SLC35F3: variants seen among roughly 807,000 people sequenced by gnomAD.
SLC35F3 encodes the protein putative thiamine transporter SLC35F3.
A neutral mutation model predicts 49.9 loss-of-function variants in SLC35F3; 25 were observed. The ratio of observed to expected loss-of-function variants is 0.50; its 90% CI spans 0.37 to 0.70. The LOEUF is 0.70. Ranked by LOEUF, SLC35F3 falls within the 30% of genes least tolerant of loss-of-function variation. SLC35F3 has a pLI of 0.00. For synonymous variants in SLC35F3, 275 were observed against 265.4 expected (o/e 1.04, Z -0.35); for missense variants, 525 against 639.8 (o/e 0.82, Z 1.94).
In SLC35F3 at chr1:234,004,318, G is replaced by A. The variant is rs549865736; in HGVS notation, c.283+98560G>A. 9.2e-4 allele frequency among the ~76,000 whole-genome samples: 140 copies of A among 152,226 alleles called. 1 individual carries two copies. Among genetic ancestry groups the A allele is most frequent in the African/African-American group, 2.7e-3 (114 of 41,568 alleles). The stretch of plus-strand genomic sequence containing the variant: ...CTTTCATCCATTTTATCTATTTTCT[G>A]TCTGCATTTCAAAATGGATATATCT... On this transcript the variant is annotated intron_variant, in intron 2 of 7. Coordinates refer to ENST00000366618, the MANE Select transcript of SLC35F3 (RefSeq NM_173508.4).
In SLC35F3 at chr1:233,905,745, A is replaced by G; in HGVS notation, c.270A>G (p.Ala90=). ...GCTACTATGGCTACCAGCCCTGGGC[A>G]GCGAGCTGCAAAAGTAAGACCCCCT... ...ITGYYGYQPW[A]ASCKREERPR... The change falls in exon 2 of 8, where the codon GCA becomes GCG. Residue 90 remains alanine (A), a synonymous_variant. Transcript: ENST00000366618. 6.2e-6 allele frequency: 10 copies of G among 1,611,468 alleles called. No homozygotes were observed. Among genetic ancestry groups the G allele is most frequent in the Non-Finnish European group, 8.5e-6 (10 of 1,178,144 alleles).
chr1:234,259,220 T>A (rs753234474), intron 3 of SLC35F3, among the ~76,000 whole-genome samples: 1 of 152,244 alleles, frequency 6.6e-6, no homozygotes, highest in Non-Finnish European at 1.5e-5. Flanking sequence ...TCCTATTGTG[T>A]TAAATCTTCA....
At chr1:233,951,956 T>C (rs1035161207) in intron 2 of SLC35F3, among the ~76,000 whole-genome samples, 1 of 151,684 alleles carries the variant, frequency 6.6e-6, no homozygotes, top group African/African-American at 2.4e-5. Flanking sequence ...ATTTCAATTA[T>C]ATATATGTTG....
intron 2 of SLC35F3, among the ~76,000 whole-genome samples, chr1:234,144,455 T>C (rs781198738): frequency 6.6e-6 from 1 of 152,236 alleles, no homozygotes; most frequent in Non-Finnish European, 1.5e-5. Flanking sequence ...CTTTGCAGCA[T>C]ATTATTTCTA....
intron 2 of SLC35F3, among the ~76,000 whole-genome samples, chr1:234,200,463 G>A (rs891970259): frequency 4.6e-5 from 7 of 152,154 alleles, no homozygotes; most frequent in African/African-American, 1.7e-4. Flanking sequence ...TGAGTTTGCT[G>A]TTGTGCTGAA....
At position 234,231,281 on chromosome 1, in the gene SLC35F3, T is replaced by C; in HGVS notation, c.284-136T>C. Reference sequence around the variant, plus strand: ...GCAGCTTGCTGTCACACAGCCGCCCTGGAAGCCGCCCCTGCACCCGCTATC... The same window carrying C: ...GCAGCTTGCTGTCACACAGCCGCCCCGGAAGCCGCCCCTGCACCCGCTATC... On this transcript the variant is annotated intron_variant, in intron 2 of 7. Transcript: ENST00000366618. This position sits in a 1 kb window ranked among gnomAD's most constrained non-coding sequence, Gnocchi z 5.4. 2 of 704,918 alleles carry C rather than the reference T, an allele frequency of 2.8e-6. No individual in the cohort carries two copies. Among genetic ancestry groups the C allele is most frequent in the Non-Finnish European group, 4.6e-6 (2 of 438,594 alleles). 43.7% of individuals were successfully genotyped at this position (704,918 alleles called of 1,614,324 possible).
intron 3 of SLC35F3, among the ~76,000 whole-genome samples, chr1:234,288,665 C>G (rs555915848): frequency 1.9e-4 from 29 of 152,364 alleles, no homozygotes; most frequent in Non-Finnish European, 4.0e-4. Flanking sequence ...CTCATATCAT[C>G]TCATTTTCCT....
intron 2 of SLC35F3, among the ~76,000 whole-genome samples, chr1:234,156,868 C>A (rs1666161095): frequency 6.6e-6 from 1 of 152,072 alleles, no homozygotes; most frequent in Non-Finnish European, 1.5e-5. Flanking sequence ...CACAAAAGGG[C>A]ACATGTTGTA....
chr1:234,259,766 T>C (rs924523286), intron 3 of SLC35F3, among the ~76,000 whole-genome samples: 2 of 152,032 alleles, frequency 1.3e-5, no homozygotes, highest in Non-Finnish European at 2.9e-5. Context: ...ATTTCTCTAG[T>C]GGACTGTTTT....
rs189397305 is a variant in SLC35F3 at position 234,238,619 on chromosome 1, C to T, written c.608+6878C>T. Among the ~76,000 whole-genome samples, 5 of 152,204 alleles carry T rather than the reference C, an allele frequency of 3.3e-5. No individual in the cohort carries two copies. The East Asian group carries it at 9.7e-4, about 29-fold the overall frequency. ...ATTTATTTTTCCTCTGGCATCTCCC[C>T]CCACCCCACCACCACATCTCAGTTA... On this transcript the variant is annotated intron_variant, in intron 3 of 7. Coordinates refer to ENST00000366618, the MANE Select transcript of SLC35F3 (RefSeq NM_173508.4).
chr1:233,945,356 T>C (rs755679178), intron 2 of SLC35F3, among the ~76,000 whole-genome samples: 7 of 152,194 alleles, frequency 4.6e-5, no homozygotes, highest in Non-Finnish European at 8.8e-5. Flanking sequence ...AAATTATTAA[T>C]TCAGCAACAT....
chr1:234,031,962 C>T (rs9435495), intron 2 of SLC35F3, among the ~76,000 whole-genome samples: 35,589 of 151,748 alleles, frequency 0.23, 8,422 homozygotes, highest in African/African-American at 0.6. Flanking sequence ...GATGTGTAGA[C>T]AAAAACAACA....
chr1:233,950,870 C>T (rs1232083130), intron 2 of SLC35F3, among the ~76,000 whole-genome samples: 1 of 152,024 alleles, frequency 6.6e-6, no homozygotes, highest in African/African-American at 2.4e-5. Flanking sequence ...CTGCAATATC[C>T]CTGCAATATC....
At chr1:234,304,887 A>G (rs1267784672) in intron 3 of SLC35F3, among the ~76,000 whole-genome samples, 1 of 152,218 alleles carries the variant, frequency 6.6e-6, no homozygotes, top group East Asian at 1.9e-4. Flanking sequence ...AGCAAGAAGG[A>G]AAAAAGAAAA....
chr1:234,126,842 C>T (rs1274620864), intron 2 of SLC35F3, among the ~76,000 whole-genome samples: 5 of 152,086 alleles, frequency 3.3e-5, no homozygotes, highest in South Asian at 2.1e-4. Context: ...ACTACAGGCA[C>T]GCACTACCGT....
In SLC35F3 at chr1:234,189,845, A is replaced by G. The variant is rs529709746; in HGVS notation, c.284-41572A>G. Among the ~76,000 whole-genome samples, 8 of 152,326 alleles carry G rather than the reference A, an allele frequency of 5.3e-5. No individual in the cohort carries two copies. The South Asian group carries it at 1.0e-3, about 20-fold the overall frequency. ...AAGCATCAGATACCTATAAAGGAAA[A>G]CCTATCAGATTAACAGCAGATTTCT... On this transcript the variant is annotated intron_variant, in intron 2 of 7. Coordinates refer to ENST00000366618, the MANE Select transcript of SLC35F3 (RefSeq NM_173508.4).
intron 2 of SLC35F3, among the ~76,000 whole-genome samples, chr1:234,110,201 G>A (rs547836208): frequency 6.6e-6 from 1 of 152,178 alleles, no homozygotes; most frequent in Non-Finnish European, 1.5e-5. Flanking sequence ...GGAGGAGGAA[G>A]ATCACTTCAG....
At chr1:234,131,971 G>T (rs1203604483) in intron 2 of SLC35F3, among the ~76,000 whole-genome samples, 3 of 152,196 alleles carry the variant, frequency 2.0e-5, no homozygotes, top group Non-Finnish European at 4.4e-5. Context: ...TCGGGGAGTG[G>T]AGTGGAGGAG....
At chr1:234,130,425 G>T (rs886578817) in intron 2 of SLC35F3, among the ~76,000 whole-genome samples, 2 of 151,450 alleles carry the variant, frequency 1.3e-5, no homozygotes, top group African/African-American at 2.4e-5. Context: ...CAGATCACGA[G>T]GTCAGGAGAT....
Sources: gnomAD v4.1 joint callset for allele counts (sites outside exome capture counted in the v4.1 genomes callset) on GRCh38, gnomAD v4.1.1 for gene constraint, Gnocchi (gnomAD v3.1) non-coding constraint, MANE v1.5 for transcripts, NCBI Gene and HGNC (gene_info 2026-07-23, HGNC 2026-07-21) for gene names.